DEF8: variants seen among roughly 807,000 people sequenced by gnomAD.
The protein encoded by DEF8 is DEF-8.
A neutral mutation model predicts 59.1 loss-of-function variants in DEF8; 38 were observed. The observed-to-expected ratio is 0.64, with a 90% CI of 0.50 to 0.84. The LOEUF (loss-of-function observed/expected upper bound fraction) is 0.84. Ranked by LOEUF, DEF8 falls within the 40% of genes least tolerant of loss-of-function variation. The probability of loss-of-function intolerance (pLI) is 0.00; values close to 1 mark genes in which losing one functional copy is unlikely to be tolerated. For synonymous variants in DEF8, 265 were observed against 250.1 expected (o/e 1.06, Z -0.56); for missense variants, 557 against 615.2 (o/e 0.91, Z 1.00).
In DEF8 at chr16:89,962,027, A is replaced by C; in HGVS notation, c.823A>C (p.Met275Leu). The change falls in exon 9 of 13, where the codon ATG becomes CTG. Residue 275 changes from methionine (M) to leucine (L), a missense_variant. Physicochemically the swap from Met to Leu is conservative, Grantham distance 15. Transcript: ENST00000563594. ...FEPRKVSRCS[M>L]RYLALMVSRP... ...TGCCTGGCAGGTTTCTCGCTGCAGCATGCGCTACCTGGCGCTGATGGTGTC... is the reference window on the plus strand; with the variant it reads ...TGCCTGGCAGGTTTCTCGCTGCAGCCTGCGCTACCTGGCGCTGATGGTGTC... The C allele has an allele frequency of 6.2e-7, 1 of 1,614,050 alleles. No homozygotes were observed. Among genetic ancestry groups the C allele is most frequent in the Non-Finnish European group, 8.5e-7 (1 of 1,180,018 alleles).
At chr16:89,958,951 G>A (rs1271315124) in intron 5 of DEF8, 63 bp from the exon 6 acceptor site, 1 of 1,586,944 alleles carries the variant, frequency 6.3e-7, no homozygotes, top group Non-Finnish European at 8.5e-7. Flanking sequence ...AGGGGCTTGT[G>A]CGAAGGGAAA....
At chr16:89,949,333 C>T (rs1186398933) in intron 1 of DEF8, 84 bp from the exon 2 acceptor site, 5 of 1,136,050 alleles carry the variant, frequency 4.4e-6, no homozygotes, top group East Asian at 2.5e-5. Flanking sequence ...AGAGACCTGC[C>T]CCCGAGGAGC....
intron 2 of DEF8, chr16:89,949,926 G>A (rs2031685026): frequency 3.8e-6 from 3 of 787,216 alleles, no homozygotes; most frequent in South Asian, 2.8e-5. Context: ...CACTGTGGCC[G>A]GCATCCCCAG....
intron 5 of DEF8, among the ~76,000 whole-genome samples, 182 bp from the exon 6 acceptor site, chr16:89,958,832 G>T (rs773201130): frequency 6.6e-6 from 1 of 152,228 alleles, no homozygotes; most frequent in African/African-American, 2.4e-5. Flanking sequence ...TGACCTTGGC[G>T]GTCCTTGTCC....
rs532919021 is a variant in DEF8, at chr16:89,953,182, C to T, written c.-10-1061C>T. On this transcript the variant is annotated intron_variant, in intron 2 of 12. Transcript: ENST00000563594. Reference sequence around the variant, plus strand: ...CTGAACAACTTTAAAAAGACATCTCCGACTTTCTATAACATCAACAGACCT... The same window carrying T: ...CTGAACAACTTTAAAAAGACATCTCTGACTTTCTATAACATCAACAGACCT... Among the ~76,000 whole-genome samples, 11 of 152,306 alleles carry T rather than the reference C, an allele frequency of 7.2e-5. No homozygotes were observed. In the South Asian group the frequency reaches 1.5e-3, roughly 20 times the overall value.
Position 89,962,139 on chromosome 16 carries a change from C to A in DEF8, c.921+14C>A. The stretch of plus-strand genomic sequence containing the variant: ...GTGGAGATTCGCGTGAGGCTGGGGC[C>A]ATGGAAGTGGGGGGCGGGGGCGCTG... On this transcript the variant is annotated intron_variant, in intron 9 of 12. Coordinates refer to ENST00000563594, the MANE Select transcript of DEF8 (RefSeq NM_001242818.2). 1 of 1,608,678 alleles carries A rather than the reference C, an allele frequency of 6.2e-7. No homozygotes were observed. The highest frequency in any genetic ancestry group is 2.2e-5 in the East Asian group (1 of 44,684).
chr16:89,955,095 C>T (rs2032919722), intron 3 of DEF8, 74 bp from the exon 4 acceptor site: 1 of 1,224,404 alleles, frequency 8.2e-7, no homozygotes. Context: ...TCCTGGCTAT[C>T]TCAGCTCCTC....
At chr16:89,963,574 C>T (rs1318996161) in intron 10 of DEF8, 131 bp downstream of exon 10, 4 of 676,340 alleles carry the variant, frequency 5.9e-6, no homozygotes, top group Non-Finnish European at 7.4e-6. Context: ...ACCACGGTCC[C>T]AAGGAACAAA....
In DEF8 at chr16:89,954,171, G is replaced by C; in HGVS notation, c.-10-72G>C. The C allele has an allele frequency of 2.3e-5, 35 of 1,542,820 alleles. No homozygotes were observed. Among genetic ancestry groups the C allele is most frequent in the Non-Finnish European group, 2.7e-5 (31 of 1,132,168 alleles). ...AGCCTCACCCCAGACACCCCAGTGT[G>C]GTTGGGGAAAGGGGGTGGTCCGTGG... On this transcript the variant is annotated intron_variant, in intron 2 of 12. Transcript: ENST00000563594. The surrounding 1 kb of genome is among the most constrained non-coding windows in gnomAD (Gnocchi z 4.3).
intron 12 of DEF8, among the ~76,000 whole-genome samples, chr16:89,965,065 T>C (rs1039625241): frequency 6.6e-6 from 1 of 152,218 alleles, no homozygotes; most frequent in African/African-American, 2.4e-5. Context: ...GCGTTTTTTT[T>C]CCTAGCCGCT....
rs746077709 is a variant in DEF8 at position 89,964,358 on chromosome 16, G to C, written c.1143+48G>C. 1.2e-5 allele frequency: 18 copies of C among 1,549,902 alleles called. No individual in the cohort carries two copies. The Admixed American group carries it at 3.4e-4, about 30-fold the overall frequency. ...CTCTTCTCCAACCCCAGCCCTGAGG[G>C]GGGATTGGCAGGAGAAGCAGCCCAG... On this transcript the variant is annotated intron_variant, in intron 11 of 12. Coordinates refer to ENST00000563594, the MANE Select transcript of DEF8 (RefSeq NM_001242818.2).
rs2034672661 is a variant in DEF8 at position 89,967,642 on chromosome 16, A to G, written c.*1679A>G. On this transcript the variant is annotated 3_prime_UTR_variant, in exon 13 of 13. Coordinates refer to ENST00000563594, the MANE Select transcript of DEF8 (RefSeq NM_001242818.2). ...GGGCTGAGGAGGAGGTTAAAGGCCA[A>G]ATGCTGTTTCCCAACACCCCAAAGT... The G allele has an allele frequency of 2.5e-6, 1 of 396,708 alleles. No homozygotes were observed. The highest frequency in any genetic ancestry group is 4.4e-5 in the Admixed American group (1 of 22,686). 24.6% of individuals were successfully genotyped at this position (396,708 alleles called of 1,614,324 possible). A position where few individuals can be genotyped will look rare whatever the true frequency, so the allele number is the denominator to read the frequency against.
chr16:89,957,477 G>A (rs1163105896), intron 4 of DEF8, 34 bp from the exon 5 acceptor site: 1 of 1,554,368 alleles, frequency 6.4e-7, no homozygotes, highest in African/African-American at 1.4e-5. Context: ...CTGCAGGATG[G>A]GCCTTTGACT....
chr16:89,965,782 G>A, intron 12 of DEF8, 79 bp from the exon 13 acceptor site: 1 of 889,782 alleles, frequency 1.1e-6, no homozygotes, highest in Non-Finnish European at 1.7e-6. Context: ...GGGGATGATA[G>A]GAGCTGACCT....
intron 1 of DEF8, 117 bp from the exon 2 acceptor site, chr16:89,949,300 C>A (rs1414148885): frequency 1.2e-6 from 1 of 853,720 alleles, no homozygotes; most frequent in African/African-American, 1.7e-5. Flanking sequence ...TCAGTTTCCC[C>A]CTCGGTGGAA....
In DEF8 at chr16:89,962,060, G is replaced by A. The variant is rs551718366; in HGVS notation, c.856G>A (p.Val286Ile). The A allele has an allele frequency of 1.4e-5, 22 of 1,614,086 alleles. No individual in the cohort carries two copies. The highest frequency in any genetic ancestry group is 5.3e-5 in the African/African-American group (4 of 75,050). The change falls in exon 9 of 13, where the codon GTA (valine) becomes ATA (isoleucine). Residue 286 changes from valine (V) to isoleucine (I), a missense_variant. Physicochemically the swap from Val to Ile is conservative, Grantham distance 29 (BLOSUM62 3). Transcript: ENST00000563594. ...CCTGGCGCTGATGGTGTCTCGGCCC[G>A]TACTCAGGCTCCGGGAGATCAACCC... is the stretch of plus-strand genomic sequence containing the variant. ...RYLALMVSRP[V>I]LRLREINPLL...
Position 89,965,355 on chromosome 16 carries a change from C to G in DEF8, c.1254-506C>G, listed in dbSNP as rs1157140646. On this transcript the variant is annotated intron_variant, in intron 12 of 12. Transcript: ENST00000563594. The stretch of plus-strand genomic sequence containing the variant: ...CATAGCAACTGCTGAAATCCCAGCT[C>G]TACAGAGCGATGGTGTCACACAGAT... 5.9e-5 allele frequency among the ~76,000 whole-genome samples: 9 copies of G among 152,198 alleles called. No individual in the cohort carries two copies. The East Asian group carries it at 1.7e-3, about 29-fold the overall frequency.
At chr16:89,955,061 C>T (rs548039490) in intron 3 of DEF8, 108 bp from the exon 4 acceptor site, 12 of 821,676 alleles carry the variant, frequency 1.5e-5, no homozygotes, top group South Asian at 7.5e-5. Context: ...CCTTTCTGTG[C>T]GGCTTCCTGA....
intron 9 of DEF8, 42 bp from the exon 10 acceptor site, chr16:89,963,321 G>A (rs920245719): frequency 6.3e-7 from 1 of 1,593,240 alleles, no homozygotes; most frequent in Non-Finnish European, 8.6e-7. Flanking sequence ...GCCGCCCTGT[G>A]TCCTGGCTGA....
Sources: allele counts gnomAD v4.1 joint callset (sites outside exome capture counted in the v4.1 genomes callset), GRCh38; gene constraint gnomAD v4.1.1; non-coding constraint Gnocchi (gnomAD v3.1); transcripts MANE v1.5; gene names NCBI Gene and HGNC (gene_info 2026-07-23, HGNC 2026-07-21).